Variants in JAZF1 observed in about 807,000 individuals in gnomAD.
The protein encoded by JAZF1 is JAZF zinc finger 1.
In JAZF1, 8 loss-of-function variants were observed where a neutral mutation model predicts 26.4. The ratio of observed to expected loss-of-function variants is 0.30; its 90% CI spans 0.18 to 0.55. The LOEUF (loss-of-function observed/expected upper bound fraction) is 0.55. Ranked by LOEUF, JAZF1 falls within the 20% of genes least tolerant of loss-of-function variation. The pLI, the probability that JAZF1 is intolerant of heterozygous loss-of-function variation, is 0.94. For synonymous variants in JAZF1, 126 were observed against 122.3 expected (o/e 1.03, Z -0.20); for missense variants, 199 against 322.0 (o/e 0.62, Z 2.92).
chr7:28,071,033 A>T (rs140420960), intron 1 of JAZF1, among the ~76,000 whole-genome samples: 1 of 152,286 alleles, frequency 6.6e-6, no homozygotes, highest in East Asian at 1.9e-4. Flanking sequence ...CTTACCTAGA[A>T]CTGGTTACCG....
chr7:28,178,144 ACTAGCC>A (rs1783575384), intron 1 of JAZF1, among the ~76,000 whole-genome samples: 1 of 152,218 alleles, frequency 6.6e-6, no homozygotes, highest in Non-Finnish European at 1.5e-5. Flanking sequence ...AAAGGACAAC[ACTAGCC>A]TTCTGGGAAT....
At chr7:28,123,263 C>A (rs1562595213) in intron 1 of JAZF1, among the ~76,000 whole-genome samples, 1 of 152,144 alleles carries the variant, frequency 6.6e-6, no homozygotes, top group South Asian at 2.1e-4. Flanking sequence ...CTACCACTCA[C>A]CCCTTCATCG....
chr7:28,110,515 AAAAGGAAAAGGAAAAGG>A (rs1439963324), intron 1 of JAZF1, among the ~76,000 whole-genome samples: 5 of 58,966 alleles, frequency 8.5e-5, no homozygotes, highest in African/African-American at 1.8e-4. Flanking sequence ...AAAGGAAAGG[AAAAGGAAAAGGAAAAGG>A]AAAGGAAAAG....
chr7:27,926,560 T>C (rs1784603043), intron 2 of JAZF1, among the ~76,000 whole-genome samples: 1 of 152,248 alleles, frequency 6.6e-6, no homozygotes, highest in South Asian at 2.1e-4. Flanking sequence ...ATCAGCACTC[T>C]AGCCTATTTT....
At chr7:28,104,029 T>C (rs1370376820) in intron 1 of JAZF1, among the ~76,000 whole-genome samples, 1 of 152,162 alleles carries the variant, frequency 6.6e-6, no homozygotes, top group African/African-American at 2.4e-5. Flanking sequence ...CCAGCCCCAC[T>C]GGCCTCCCTG....
At chr7:28,055,802 T>C (rs1783695618) in intron 1 of JAZF1, among the ~76,000 whole-genome samples, 1 of 152,186 alleles carries the variant, frequency 6.6e-6, no homozygotes, top group Admixed American at 6.5e-5. Context: ...TGTGCTTTAA[T>C]ACAGATCATT....
intron 2 of JAZF1, among the ~76,000 whole-genome samples, chr7:27,947,477 G>A (rs1784938074): frequency 6.6e-6 from 1 of 152,088 alleles, no homozygotes; most frequent in Admixed American, 6.5e-5. Context: ...TTCTGTTTTT[G>A]GCATTTGTGG....
At chr7:27,987,263 C>T (rs921308076) in intron 2 of JAZF1, among the ~76,000 whole-genome samples, 19 of 151,394 alleles carry the variant, frequency 1.3e-4, no homozygotes, top group Non-Finnish European at 2.7e-4. Context: ...GCCTCTGCCC[C>T]GACGCCCCGT....
intron 1 of JAZF1, among the ~76,000 whole-genome samples, chr7:28,081,617 C>A (rs965738680): frequency 6.6e-6 from 1 of 152,166 alleles, no homozygotes; most frequent in African/African-American, 2.4e-5. Context: ...GGCCTCTGCT[C>A]CACCCTTTCC....
chr7:28,038,558 T>C (rs1783334210), intron 1 of JAZF1, among the ~76,000 whole-genome samples: 1 of 152,232 alleles, frequency 6.6e-6, no homozygotes, highest in African/African-American at 2.4e-5. Flanking sequence ...CTGCTTTTTA[T>C]AATATTGTTA....
Position 28,013,564 on chromosome 7 carries a change from A to C in JAZF1, c.116-21583T>G, listed in dbSNP as rs972959236. ...TTTTACAAGCTCCCAGGTGACGATGATGCTGCTGACTGATCTCAGAACCAC... is the reference window on the plus strand; with the variant it reads ...TTTTACAAGCTCCCAGGTGACGATGCTGCTGCTGACTGATCTCAGAACCAC... On this transcript the variant is annotated intron_variant, in intron 1 of 4. Coordinates refer to ENST00000283928, the MANE Select transcript of JAZF1 (RefSeq NM_175061.4). Among the ~76,000 whole-genome samples, 3 of 152,276 alleles carry C rather than the reference A, an allele frequency of 2.0e-5. No homozygotes were observed. In the East Asian group the frequency reaches 5.8e-4, roughly 30 times the overall value.
At chr7:28,015,425 C>T (rs191653023) in intron 1 of JAZF1, among the ~76,000 whole-genome samples, 123 of 152,220 alleles carry the variant, frequency 8.1e-4, no homozygotes, top group Admixed American at 3.1e-3. Flanking sequence ...TAATGTAAGA[C>T]ATTAATAATA....
At chr7:28,057,573 G>A (rs868505515) in intron 1 of JAZF1, among the ~76,000 whole-genome samples, 8 of 152,220 alleles carry the variant, frequency 5.3e-5, no homozygotes, top group Non-Finnish European at 7.4e-5. Context: ...AAACATACAC[G>A]AAAGTAAAGA....
chr7:28,095,677 C>T (rs1430475198), intron 1 of JAZF1, among the ~76,000 whole-genome samples: 5 of 152,196 alleles, frequency 3.3e-5, no homozygotes, highest in Non-Finnish European at 7.3e-5. Context: ...CTAGCAGAGC[C>T]TCTGCTGCCT....
chr7:27,941,166 G>C lies in JAZF1; in HGVS notation c.189-45750C>G, dbSNP rs2128352384. On this transcript the variant is annotated intron_variant, in intron 2 of 4. Transcript: ENST00000283928. ...CAGAGATACCAAAGCTCCTAGAATAGCTGCACCAAATGAGCCTTTCGAAAT... is the reference window on the plus strand; with the variant it reads ...CAGAGATACCAAAGCTCCTAGAATACCTGCACCAAATGAGCCTTTCGAAAT... Among the ~76,000 whole-genome samples, 2 of 152,302 alleles carry C rather than the reference G, an allele frequency of 1.3e-5. 1 individual carries two copies. Among genetic ancestry groups the C allele is most frequent in the South Asian group, 4.1e-4 (2 of 4,824 alleles).
At chr7:27,979,742 C>T (rs1275591028) in intron 2 of JAZF1, among the ~76,000 whole-genome samples, 1 of 152,154 alleles carries the variant, frequency 6.6e-6, no homozygotes, top group Non-Finnish European at 1.5e-5. Context: ...TCTCCCCTAT[C>T]CCCTGCCTCA....
chr7:28,055,724 A>G (rs2893301), intron 1 of JAZF1, among the ~76,000 whole-genome samples: 136,844 of 152,258 alleles, frequency 0.9, 62,235 homozygotes, highest in African/African-American at 0.98. Flanking sequence ...CACATAGTAG[A>G]TGCACAACGA....
At chr7:28,173,109 C>T (rs965989714) in intron 1 of JAZF1, among the ~76,000 whole-genome samples, 1 of 152,200 alleles carries the variant, frequency 6.6e-6, no homozygotes, top group African/African-American at 2.4e-5. Flanking sequence ...GCTGGGTGGG[C>T]CCTGGCAATA....
chr7:28,110,520 GA>G (rs70977016), intron 1 of JAZF1, among the ~76,000 whole-genome samples: 1,513 of 58,848 alleles, frequency 0.026, 43 homozygotes, highest in Middle Eastern at 0.045. Context: ...AAAGGAAAAG[GA>G]AAAGGAAAAG....
Sources: gnomAD v4.1 joint callset for allele counts (sites outside exome capture counted in the v4.1 genomes callset) on GRCh38, gnomAD v4.1.1 for gene constraint, MANE v1.5 for transcripts, NCBI Gene and HGNC (gene_info 2026-07-23, HGNC 2026-07-21) for gene names.